RAP1GAP2: variants seen among roughly 807,000 people sequenced by gnomAD.
The protein encoded by RAP1GAP2 is RAP1 GTPase activating protein 2.
RAP1GAP2 carries 27 observed loss-of-function variants against 95.0 expected under a neutral mutation model. The ratio of observed to expected loss-of-function variants is 0.28; its 90% CI spans 0.21 to 0.39. The LOEUF is 0.39. Ranked by LOEUF, RAP1GAP2 falls within the 10% of genes least tolerant of loss-of-function variation. The pLI is 1.00. For synonymous variants in RAP1GAP2, 373 were observed against 380.9 expected (o/e 0.98, Z 0.24); for missense variants, 771 against 970.0 (o/e 0.79, Z 2.72).
intron 2 of RAP1GAP2, among the ~76,000 whole-genome samples, chr17:2,815,322 TTGTC>T (rs1449528590): frequency 2.0e-5 from 3 of 152,098 alleles, no homozygotes; most frequent in East Asian, 1.9e-4. Context: ...CCCAGTTTCT[TTGTC>T]TGAGGATAAT....
chr17:2,898,286 T>G (rs2041906694), intron 2 of RAP1GAP2, among the ~76,000 whole-genome samples: 2 of 152,208 alleles, frequency 1.3e-5, no homozygotes, highest in Admixed American at 1.3e-4. Flanking sequence ...GAGTATGTGC[T>G]GGGATGGGCT....
chr17:2,888,442 G>C (rs1452576167), intron 2 of RAP1GAP2, among the ~76,000 whole-genome samples: 1 of 152,040 alleles, frequency 6.6e-6, no homozygotes, highest in Non-Finnish European at 1.5e-5. Context: ...CTCAGCCTCT[G>C]CTGACCACTA....
chr17:2,989,018 C>T (rs1220883364), intron 11 of RAP1GAP2, among the ~76,000 whole-genome samples: 1 of 152,010 alleles, frequency 6.6e-6, no homozygotes, highest in Admixed American at 6.6e-5. Flanking sequence ...GAGATTGCAC[C>T]ACTGCACTCT....
chr17:2,827,664 C>T lies in RAP1GAP2; in HGVS notation c.80+27114C>T, dbSNP rs1393472359. 5.9e-5 allele frequency among the ~76,000 whole-genome samples: 9 copies of T among 151,562 alleles called. No homozygotes were observed. The highest frequency in any genetic ancestry group is 2.1e-4 in the South Asian group (1 of 4,790). Reference sequence around the variant, plus strand: ...CTCTACTAAAAATACAAAAATTAGCCGGGCGTGGTGGTACCTGCCTGTAAT... The same window carrying T: ...CTCTACTAAAAATACAAAAATTAGCTGGGCGTGGTGGTACCTGCCTGTAAT... On this transcript the variant is annotated intron_variant, in intron 2 of 24. Coordinates refer to ENST00000254695, the MANE Select transcript of RAP1GAP2 (RefSeq NM_015085.5). The surrounding 1 kb of genome is among the most constrained non-coding windows in gnomAD (Gnocchi z 4.1).
chr17:2,920,021 T>G (rs1284141598), intron 3 of RAP1GAP2, among the ~76,000 whole-genome samples: 1 of 150,748 alleles, frequency 6.6e-6, no homozygotes, highest in Non-Finnish European at 1.5e-5. Context: ...TTTTTTTTTT[T>G]TTTTTGAGAC....
chr17:2,834,307 G>A (rs1290724071), intron 2 of RAP1GAP2, among the ~76,000 whole-genome samples: 1 of 152,212 alleles, frequency 6.6e-6, no homozygotes, highest in Admixed American at 6.6e-5. Context: ...CATTTCCCTT[G>A]CTGAAGGAGC....
intron 12 of RAP1GAP2, among the ~76,000 whole-genome samples, chr17:2,993,267 T>C (rs2045833318): frequency 6.8e-6 from 1 of 146,182 alleles, no homozygotes; most frequent in Non-Finnish European, 1.5e-5. Context: ...CTAAAAGGTT[T>C]TGGGGGGATT....
upstream of RAP1GAP2, among the ~76,000 whole-genome samples, chr17:2,774,816 CTT>C (rs370177422): frequency 0.27 from 35,338 of 130,072 alleles, 5,091 homozygotes; most frequent in East Asian, 0.55. Context: ...CCCTGCTATC[CTT>C]TTTTTTTTTT....
intron 2 of RAP1GAP2, among the ~76,000 whole-genome samples, chr17:2,815,663 G>C (rs28675334): frequency 0.19 from 28,971 of 151,788 alleles, 3,077 homozygotes; most frequent in South Asian, 0.34. Context: ...TGTATTTTTA[G>C]TAGAGATGGG....
intron 14 of RAP1GAP2, among the ~76,000 whole-genome samples, chr17:2,998,769 C>T (rs2046053503): frequency 6.8e-6 from 1 of 148,008 alleles, no homozygotes; most frequent in Admixed American, 6.8e-5. Context: ...CATTTGCTCG[C>T]TGTGAGTGTA....
chr17:2,868,024 G>A (rs763818594), intron 2 of RAP1GAP2, among the ~76,000 whole-genome samples: 2 of 152,158 alleles, frequency 1.3e-5, no homozygotes, highest in Non-Finnish European at 2.9e-5. Context: ...CTGTGACCGC[G>A]CTGGACCTGG....
At chr17:2,875,594 G>A (rs952977268) in intron 2 of RAP1GAP2, among the ~76,000 whole-genome samples, 17 of 152,148 alleles carry the variant, frequency 1.1e-4, no homozygotes, top group African/African-American at 2.9e-4. Context: ...GAGAGGGACC[G>A]CTGTTGCTTT....
chr17:3,000,396 G>A (rs949829402), intron 14 of RAP1GAP2, among the ~76,000 whole-genome samples: 22 of 152,022 alleles, frequency 1.4e-4, no homozygotes, highest in Non-Finnish European at 3.2e-4. Context: ...GGCTCGTGGA[G>A]GTAACAGAAT....
At chr17:3,007,606 C>T (rs1332622569) in intron 16 of RAP1GAP2, among the ~76,000 whole-genome samples, 3 of 152,196 alleles carry the variant, frequency 2.0e-5, no homozygotes, top group Non-Finnish European at 4.4e-5. Context: ...CAGTCCTCAT[C>T]TGTGTGAATA....
intron 5 of RAP1GAP2, 177 bp downstream of exon 5, chr17:2,962,891 A>G (rs2044402147): frequency 1.6e-6 from 1 of 630,696 alleles, no homozygotes; most frequent in Non-Finnish European, 2.6e-6. Flanking sequence ...TGGGCAGCAG[A>G]GGGGTCCTGG....
chr17:2,875,362 CG>C (rs2073050330), intron 2 of RAP1GAP2, among the ~76,000 whole-genome samples: 1 of 152,068 alleles, frequency 6.6e-6, no homozygotes, highest in African/African-American at 2.4e-5. Flanking sequence ...CCACTGCACC[CG>C]GCCACAAGCA....
chr17:2,951,709 C>G (rs1022156076), intron 3 of RAP1GAP2, among the ~76,000 whole-genome samples: 4 of 151,560 alleles, frequency 2.6e-5, no homozygotes, highest in African/African-American at 9.7e-5. Context: ...CAGAATGAGA[C>G]CCTGTCTCAA....
rs148277056 is a variant in RAP1GAP2 at position 3,015,600 on chromosome 17, C to T, written c.1495-2461C>T. Among the ~76,000 whole-genome samples, 29 of 152,122 alleles carry T rather than the reference C, an allele frequency of 1.9e-4. No individual in the cohort carries two copies. The East Asian group carries it at 4.9e-3, about 25-fold the overall frequency. On this transcript the variant is annotated intron_variant, in intron 17 of 24. Transcript: ENST00000254695. ...TTGGGAGGCTGAGGCAGGTGGATCACGAGGTCAGGAGTTCAAGACCAGCCT... is the reference window on the plus strand; with the variant it reads ...TTGGGAGGCTGAGGCAGGTGGATCATGAGGTCAGGAGTTCAAGACCAGCCT...
At chr17:2,813,957 C>A (rs1412992512) in intron 2 of RAP1GAP2, among the ~76,000 whole-genome samples, 1 of 148,422 alleles carries the variant, frequency 6.7e-6, no homozygotes, top group Non-Finnish European at 1.5e-5. Flanking sequence ...AGTGAGACTC[C>A]ATCTCAAAAA....
Sources: allele counts gnomAD v4.1 joint callset (sites outside exome capture counted in the v4.1 genomes callset), GRCh38; gene constraint gnomAD v4.1.1; non-coding constraint Gnocchi (gnomAD v3.1); transcripts MANE v1.5; gene names NCBI Gene and HGNC (gene_info 2026-07-23, HGNC 2026-07-21).